Variants in SPATS2L observed in about 807,000 individuals in gnomAD.
The protein encoded by SPATS2L is spermatogenesis associated serine rich 2 like, also known as SPATS2-like protein.
SPATS2L carries 30 observed loss-of-function variants against 59.6 expected under a neutral mutation model. The ratio of observed to expected loss-of-function variants is 0.50; its 90% CI spans 0.38 to 0.68. SPATS2L has a LOEUF of 0.68. Ranked by LOEUF, SPATS2L falls within the 30% of genes least tolerant of loss-of-function variation. The pLI is 0.00. For synonymous variants in SPATS2L, 252 were observed against 263.5 expected (o/e 0.96, Z 0.42); for missense variants, 615 against 700.0 (o/e 0.88, Z 1.37).
intron 2 of SPATS2L, among the ~76,000 whole-genome samples, chr2:200,366,755 C>T (rs926650586): frequency 3.3e-5 from 5 of 152,220 alleles, no homozygotes; most frequent in African/African-American, 1.2e-4. Context: ...ATCCATGTCA[C>T]ACTGCAAGAT....
intron 2 of SPATS2L, among the ~76,000 whole-genome samples, chr2:200,380,050 C>T (rs1410311848): frequency 2.0e-5 from 3 of 152,132 alleles, no homozygotes; most frequent in East Asian, 1.9e-4. Context: ...TTTATATTCT[C>T]AAGCCAGCAG....
intron 2 of SPATS2L, among the ~76,000 whole-genome samples, chr2:200,373,773 T>C (rs527268438): frequency 2.6e-5 from 4 of 152,326 alleles, no homozygotes; most frequent in African/African-American, 9.6e-5. Context: ...TTAAAGCATA[T>C]ATTTTTACAA....
intron 4 of SPATS2L, among the ~76,000 whole-genome samples, chr2:200,414,811 T>C (rs148645513): frequency 6.7e-4 from 102 of 152,300 alleles, no homozygotes; most frequent in African/African-American, 2.3e-3. Context: ...ATATGGGTAT[T>C]TCTTCTTCAA....
At chr2:200,327,917 A>G (rs1378608494) in intron 1 of SPATS2L, among the ~76,000 whole-genome samples, 1 of 152,204 alleles carries the variant, frequency 6.6e-6, no homozygotes, top group Non-Finnish European at 1.5e-5. Flanking sequence ...CAAAATAGCC[A>G]TTGGTATACT....
At chr2:200,472,760 G>A (rs1224435633) in intron 11 of SPATS2L, 72 bp from the exon 12 acceptor site, 7 of 1,319,144 alleles carry the variant, frequency 5.3e-6, no homozygotes, top group East Asian at 2.3e-5. Flanking sequence ...ATCTTCTAGC[G>A]CTTCCTAATG....
chr2:200,457,620 T>C (rs1488830903), intron 8 of SPATS2L, among the ~76,000 whole-genome samples: 2 of 152,248 alleles, frequency 1.3e-5, no homozygotes, highest in Admixed American at 6.5e-5. Context: ...GTAAGCCATG[T>C]GTGTCATGGG....
intron 8 of SPATS2L, among the ~76,000 whole-genome samples, chr2:200,450,576 T>C (rs536404925): frequency 6.6e-6 from 1 of 152,196 alleles, no homozygotes; most frequent in East Asian, 1.9e-4. Flanking sequence ...GATGAATGTG[T>C]GTCAAGCCAC....
chr2:200,450,436 G>A (rs1242620112), intron 8 of SPATS2L, among the ~76,000 whole-genome samples: 1 of 152,204 alleles, frequency 6.6e-6, no homozygotes, highest in African/African-American at 2.4e-5. Flanking sequence ...GAAGAGAGAA[G>A]TAAGGCAAAG....
At chr2:200,443,677 A>G (rs907009739) in intron 8 of SPATS2L, among the ~76,000 whole-genome samples, 2 of 152,200 alleles carry the variant, frequency 1.3e-5, no homozygotes, top group African/African-American at 4.8e-5. Context: ...AGAAATTCTA[A>G]ATATTCACTT....
At chr2:200,351,178 G>A (rs931684570) in intron 2 of SPATS2L, 5 of 467,606 alleles carry the variant, frequency 1.1e-5, no homozygotes, top group African/African-American at 6.0e-5. Flanking sequence ...AGGGAGAAGT[G>A]CATTTGTGTA....
intron 2 of SPATS2L, among the ~76,000 whole-genome samples, chr2:200,380,838 A>G (rs1279958822): frequency 6.6e-6 from 1 of 152,226 alleles, no homozygotes; most frequent in Non-Finnish European, 1.5e-5. Context: ...AAAAAATGCC[A>G]ATCTAAGTAT....
intron 2 of SPATS2L, among the ~76,000 whole-genome samples, chr2:200,335,612 C>T (rs752400146): frequency 6.6e-6 from 1 of 152,168 alleles, no homozygotes; most frequent in African/African-American, 2.4e-5. Context: ...GCTTAGTTCA[C>T]ACCTTGTGTT....
intron 9 of SPATS2L, among the ~76,000 whole-genome samples, chr2:200,461,677 A>T (rs990497935): frequency 6.6e-6 from 1 of 152,204 alleles, no homozygotes; most frequent in African/African-American, 2.4e-5. Flanking sequence ...CTGTGCCCCT[A>T]ACCAGATTTC....
rs1336085858 is a variant in SPATS2L, at chr2:200,473,055, A to G, written c.1281+3A>G. 1 of 1,611,428 alleles carries G rather than the reference A, an allele frequency of 6.2e-7. No individual in the cohort carries two copies. Among genetic ancestry groups the G allele is most frequent in the Non-Finnish European group, 8.5e-7 (1 of 1,178,562 alleles). On this transcript the variant is annotated splice_donor_region_variant and intron_variant, in intron 12 of 12. Transcript: ENST00000409140. ...AGACCATGCCGGCCAACAAGCAGGT[A>G]AGCCGACACTGGTGCAGGGTGCCAG...
chr2:200,443,444 G>A (rs2084830594), intron 8 of SPATS2L, among the ~76,000 whole-genome samples: 2 of 152,110 alleles, frequency 1.3e-5, no homozygotes, highest in Admixed American at 1.3e-4. Context: ...TACATCATGA[G>A]GCATATCTAG....
rs1205858594 is a variant in SPATS2L at position 200,306,936 on chromosome 2, C to T, written c.-73+14C>T. 3.7e-5 allele frequency: 36 copies of T among 982,626 alleles called. No homozygotes were observed. Among genetic ancestry groups the T allele is most frequent in the Middle Eastern group, 1.0e-3 (2 of 1,908 alleles). 60.9% of individuals were successfully genotyped at this position (982,626 alleles called of 1,614,324 possible). A position where few individuals can be genotyped will look rare whatever the true frequency, so the allele number is the denominator to read the frequency against. On this transcript the variant is annotated intron_variant, in intron 1 of 12. Transcript: ENST00000409140. ...CTCGACACAGAGGTAAGCCCAGGAC[C>T]CCCTCCACGCCGGGCCGGCTGGGGA...
chr2:200,457,053 T>C (rs2085886759), intron 8 of SPATS2L, among the ~76,000 whole-genome samples: 1 of 152,124 alleles, frequency 6.6e-6, no homozygotes, highest in African/African-American at 2.4e-5. Flanking sequence ...ATTCAAAACA[T>C]GTCCTCAAGC....
intron 2 of SPATS2L, chr2:200,373,270 C>CAAAAAAAAAAAA (rs3856514): frequency 5.7e-5 from 6 of 106,028 alleles, no homozygotes; most frequent in Admixed American, 9.8e-5. Context: ...ACTGCCTTAA[C>CAAAAAAAAAAAA]AAAAAAAAAA....
intron 4 of SPATS2L, among the ~76,000 whole-genome samples, chr2:200,415,936 GAGAA>G (rs999176351): frequency 1.6e-4 from 25 of 152,084 alleles, no homozygotes; most frequent in Non-Finnish European, 3.4e-4. Flanking sequence ...AATAGGGACA[GAGAA>G]AGAGAAAGAA....
Sources: allele counts gnomAD v4.1 joint callset (sites outside exome capture counted in the v4.1 genomes callset), GRCh38; gene constraint gnomAD v4.1.1; transcripts MANE v1.5; gene names NCBI Gene and HGNC (gene_info 2026-07-23, HGNC 2026-07-21).